Variants in ZBTB25 observed in about 807,000 individuals in gnomAD.
ZBTB25 encodes zinc finger and BTB domain containing 25.
ZBTB25 carries 20 observed loss-of-function variants against 34.2 expected under a neutral mutation model. That is an observed-to-expected ratio of 0.58 (90% CI 0.41 to 0.85). The LOEUF (loss-of-function observed/expected upper bound fraction) is 0.85. ZBTB25 is among the 40% of genes least tolerant of loss of function. The pLI is 0.00. For synonymous variants in ZBTB25, 175 were observed against 186.4 expected (o/e 0.94, Z 0.50); for missense variants, 437 against 521.8 (o/e 0.84, Z 1.58).
chr14:64,470,954 A>G (rs572358907), intron 2 of ZBTB25: 1 of 167,180 alleles, frequency 6.0e-6, no homozygotes, highest in Non-Finnish European at 1.5e-5. Flanking sequence ...ATGGTCCTGG[A>G]AAATCCTAAT....
At chr14:64,497,675 G>C (rs1336760204) in intron 1 of ZBTB25, among the ~76,000 whole-genome samples, 1 of 152,062 alleles carries the variant, frequency 6.6e-6, no homozygotes, top group Non-Finnish European at 1.5e-5. Context: ...AATTAAGATG[G>C]AACAACTTTA....
Position 64,490,501 on chromosome 14 carries a change from G to C in ZBTB25, c.33C>G (p.Leu11=). 1 of 1,613,680 alleles carries C rather than the reference G, an allele frequency of 6.2e-7. No homozygotes were observed. The highest frequency in any genetic ancestry group is 8.5e-7 in the Non-Finnish European group (1 of 1,179,724). MDTASHSLVL[L]QQLNMQREFG... ...ATTCTCGCTGCATGTTCAGCTGCTG[G>C]AGAAGAACAAGGCTATGGCTGGCAG... The change falls in exon 2 of 3, where the codon CTC becomes CTG. Residue 11 remains leucine, a synonymous_variant. Coordinates refer to ENST00000608382, the MANE Select transcript of ZBTB25 (RefSeq NM_006977.5).
intron 1 of ZBTB25, among the ~76,000 whole-genome samples, chr14:64,499,236 G>C (rs920727296): frequency 2.6e-5 from 4 of 152,088 alleles, no homozygotes; most frequent in Non-Finnish European, 4.4e-5. Context: ...ATAAACAACT[G>C]TAATTCTAAT....
chr14:64,505,136 A>C, upstream of ZBTB25: 1 of 341,552 alleles, frequency 2.9e-6, no homozygotes, highest in South Asian at 1.5e-4. Flanking sequence ...CCGGCGCGTC[A>C]GGTCCCGGGC....
At position 64,487,546 on chromosome 14, in the gene ZBTB25, TG is replaced by T; in HGVS notation, c.684del (p.Thr229LeufsTer25). ...HPSPSSEVTGPTFTENSVKIH... is the reference protein window; with the variant it reads ...HPSPSSEVTGXTFTENSVKIH... ...ATTTTGACACTGTTTTCAGTAAAAG[TG>T]GGGCCTGTCACCTCTGATGAGGGTG... On this transcript the variant is annotated frameshift_variant, in exon 3 of 3. Coordinates refer to ENST00000608382, the MANE Select transcript of ZBTB25 (RefSeq NM_006977.5). LOFTEE classifies it high-confidence loss of function. 6.2e-7 allele frequency: 1 copy of T among 1,611,068 alleles called. No individual in the cohort carries two copies. Among genetic ancestry groups the T allele is most frequent in the Non-Finnish European group, 8.5e-7 (1 of 1,177,436 alleles).
Position 64,503,736 on chromosome 14 carries a change from T to A in ZBTB25, c.-83A>T. 2.2e-6 allele frequency: 1 copy of A among 464,168 alleles called. No homozygotes were observed. The highest frequency in any genetic ancestry group is 2.8e-6 in the Non-Finnish European group (1 of 353,478). The allele number at this position is 464,168 out of a possible 1,614,324, so 28.8% of individuals were successfully genotyped here. A position where few individuals can be genotyped will look rare whatever the true frequency, so the allele number is the denominator to read the frequency against. ...CTCCCAAGCCGCGCACTGCAAGCAG[T>A]GGCGCCGGCTCACGCACCCCTCGGC... is the stretch of plus-strand genomic sequence containing the variant. On this transcript the variant is annotated 5_prime_UTR_variant, in exon 1 of 3. Transcript: ENST00000608382.
chr14:64,465,603 C>T (rs2078604436), intron 2 of ZBTB25: 1 of 152,106 alleles, frequency 6.6e-6, no homozygotes, highest in African/African-American at 2.4e-5. Context: ...CCAAGGACCC[C>T]GACGCCCTAC....
At chr14:64,459,953 A>G (rs2078535306) in intron 2 of ZBTB25, 1 of 1,525,288 alleles carries the variant, frequency 6.6e-7, no homozygotes, top group Non-Finnish European at 8.8e-7. Context: ...TAAATCATGC[A>G]TGTCTGTTTA....
chr14:64,477,153 A>AG (rs2078727594), downstream of ZBTB25, among the ~76,000 whole-genome samples: 1 of 152,118 alleles, frequency 6.6e-6, no homozygotes, highest in Non-Finnish European at 1.5e-5. Flanking sequence ...ATTCAAAATA[A>AG]GGGCTTCTTA....
At position 64,454,747 on chromosome 14, in the gene ZBTB25, A is replaced by G. The variant is rs1368736054; in HGVS notation, c.174-5109T>C. 9.9e-6 allele frequency: 16 copies of G among 1,613,816 alleles called. No homozygotes were observed. Among genetic ancestry groups the G allele is most frequent in the Non-Finnish European group, 1.4e-5 (16 of 1,179,858 alleles). ...GGGCTTTGGGAATCTCCCCATCTGC[A>G]TGGCTAAAACACACTTGTCTTTGTC... On this transcript the variant is annotated intron_variant, in intron 2 of 2. Coordinates refer to the ZBTB25 transcript ENST00000555220.
rs1375956338 is a variant in ZBTB25, at chr14:64,486,351, T to C, written c.*572A>G. 2.0e-6 allele frequency: 2 copies of C among 985,180 alleles called. No individual in the cohort carries two copies. Among genetic ancestry groups the C allele is most frequent in the African/African-American group, 1.7e-5 (1 of 57,212 alleles). The allele number at this position is 985,180 out of a possible 1,614,324, so 61.0% of individuals were successfully genotyped here. On this transcript the variant is annotated 3_prime_UTR_variant, in exon 3 of 3. Coordinates refer to ENST00000608382, the MANE Select transcript of ZBTB25 (RefSeq NM_006977.5). ...TGTTAAAAAGTAAAGAGAAGCCATG[T>C]AGGTAAGATGTTGTGGAGCTAGTAG...
At chr14:64,499,424 G>A (rs1271969462) in intron 1 of ZBTB25, 2 of 152,120 alleles carry the variant, frequency 1.3e-5, no homozygotes, top group Non-Finnish European at 2.9e-5. Context: ...AAATTAGCCA[G>A]GTGTGGTGGC....
At chr14:64,459,215 A>C (rs1361685365) in intron 2 of ZBTB25, among the ~76,000 whole-genome samples, 6 of 152,230 alleles carry the variant, frequency 3.9e-5, no homozygotes, top group Non-Finnish European at 8.8e-5. Flanking sequence ...GTACTTAGCA[A>C]AATGAGGAAT....
At chr14:64,457,827 A>T (rs1177330055) in intron 2 of ZBTB25, among the ~76,000 whole-genome samples, 1 of 152,160 alleles carries the variant, frequency 6.6e-6, no homozygotes, top group Non-Finnish European at 1.5e-5. Context: ...TACCCACTTT[A>T]TTGACAACTA....
Position 64,501,012 on chromosome 14 carries a change from C to T in ZBTB25, c.-8+2649G>A, listed in dbSNP as rs2079477660. 2.0e-5 allele frequency among the ~76,000 whole-genome samples: 3 copies of T among 152,308 alleles called. 1 individual carries two copies. The South Asian group carries it at 6.2e-4, about 32-fold the overall frequency. ...GCTGCAGTGAGCTGAAATTACACCACTGCACTCCAGCCTGGGTGACAGAGG... is the reference window on the plus strand; with the variant it reads ...GCTGCAGTGAGCTGAAATTACACCATTGCACTCCAGCCTGGGTGACAGAGG... On this transcript the variant is annotated intron_variant, in intron 1 of 2. Coordinates refer to ENST00000608382, the MANE Select transcript of ZBTB25 (RefSeq NM_006977.5).
At chr14:64,475,559 C>A (rs1337536619), downstream of ZBTB25, among the ~76,000 whole-genome samples, 1 of 151,726 alleles carries the variant, frequency 6.6e-6, no homozygotes, top group Non-Finnish European at 1.5e-5. Context: ...ACCTTTAATG[C>A]TGACGTCTGG....
intron 2 of ZBTB25, chr14:64,469,276 T>C: frequency 6.2e-7 from 1 of 1,613,466 alleles, no homozygotes; most frequent in Non-Finnish European, 8.5e-7. Context: ...GAAAAGACTA[T>C]GAAAGTACAG....
At chr14:64,492,613 AC>A (rs1203614217) in intron 1 of ZBTB25, among the ~76,000 whole-genome samples, 3 of 151,832 alleles carry the variant, frequency 2.0e-5, no homozygotes, top group African/African-American at 7.3e-5. Context: ...AAAAAAAAAA[AC>A]AAAACCAAAC....
intron 1 of ZBTB25, among the ~76,000 whole-genome samples, chr14:64,501,738 C>T (rs984199107): frequency 6.6e-6 from 1 of 152,222 alleles, no homozygotes. Context: ...CTTCCCAGCA[C>T]AGCCCTGGCC....
Sources: gnomAD v4.1 joint callset for allele counts (sites outside exome capture counted in the v4.1 genomes callset) on GRCh38, gnomAD v4.1.1 for gene constraint, MANE v1.5 for transcripts, NCBI Gene and HGNC (gene_info 2026-07-23, HGNC 2026-07-21) for gene names.